Variants in TMEM117 observed in about 807,000 individuals in gnomAD.
The protein encoded by TMEM117 is transmembrane protein 117.
TMEM117 carries 27 observed loss-of-function variants against 52.4 expected under a neutral mutation model. That is an observed-to-expected ratio of 0.51 (90% CI 0.38 to 0.71). The LOEUF (loss-of-function observed/expected upper bound fraction) is 0.71. TMEM117 is among the 30% of genes least tolerant of loss of function. The pLI is 0.00. For missense variants in TMEM117, 556 were observed against 630.5 expected, an observed-to-expected ratio of 0.88 and a Z score of 1.26; for synonymous variants, 215 against 206.3, an observed-to-expected ratio of 1.04 and a Z score of -0.36.
chr12:44,153,391 CAT>C (rs1948782904), intron 4 of TMEM117, among the ~76,000 whole-genome samples: 1 of 151,926 alleles, frequency 6.6e-6, no homozygotes, highest in African/African-American at 2.4e-5. Context: ...GGCATATAGA[CAT>C]AGATTTTGGT....
intron 3 of TMEM117, among the ~76,000 whole-genome samples, chr12:43,990,572 T>C (rs761457772): frequency 3.9e-5 from 6 of 152,188 alleles, no homozygotes; most frequent in Non-Finnish European, 5.9e-5. Context: ...AATATATACA[T>C]TTAATAGGAT....
At position 44,323,017 on chromosome 12, in the gene TMEM117, G is replaced by A. The variant is rs147469220; in HGVS notation, c.768+23278G>A. ...CAGGAGTCTTTAAAAGAGGAAGAGG[G>A]AAGCAGAAGACAACCAGAGAGATAG... On this transcript the variant is annotated intron_variant, in intron 6 of 7. Transcript: ENST00000266534. Among the ~76,000 whole-genome samples, 281 of 152,276 alleles carry A rather than the reference G, an allele frequency of 1.8e-3. 4 individuals carry two copies. The highest frequency in any genetic ancestry group is 6.6e-3 in the African/African-American group (274 of 41,556).
chr12:43,814,463 C>T, the TMEM117 span, among the ~76,000 whole-genome samples: 6 of 152,260 alleles, frequency 3.9e-5, no homozygotes, highest in South Asian at 8.3e-4. Context: ...TAACCCTGCT[C>T]GTCCTGGCCC....
At chr12:43,984,480 G>A (rs1945813882) in intron 3 of TMEM117, among the ~76,000 whole-genome samples, 1 of 152,146 alleles carries the variant, frequency 6.6e-6, no homozygotes, top group South Asian at 2.1e-4. Flanking sequence ...TTGAGATAGT[G>A]TTTTCATCAG....
At chr12:43,893,338 A>C (rs1232879857) in intron 2 of TMEM117, among the ~76,000 whole-genome samples, 1 of 152,244 alleles carries the variant, frequency 6.6e-6, no homozygotes, top group Non-Finnish European at 1.5e-5. Context: ...GGCTTGGACT[A>C]GGGTGAGAGC....
chr12:44,210,293 CT>C (rs1228238824), intron 4 of TMEM117, among the ~76,000 whole-genome samples: 3 of 151,988 alleles, frequency 2.0e-5, no homozygotes, highest in Non-Finnish European at 4.4e-5. Context: ...TTATGTAACA[CT>C]TTTTTAAAGG....
chr12:43,860,014 T>C (rs1565722388), intron 2 of TMEM117, among the ~76,000 whole-genome samples: 2 of 152,194 alleles, frequency 1.3e-5, no homozygotes, highest in Admixed American at 6.5e-5. Flanking sequence ...GGTGTTAATG[T>C]CATTGAGTTT....
intron 3 of TMEM117, among the ~76,000 whole-genome samples, chr12:44,066,642 C>G (rs949688480): frequency 2.0e-5 from 3 of 152,116 alleles, no homozygotes; most frequent in African/African-American, 4.8e-5. Flanking sequence ...AGGATTATGT[C>G]TAAAAGATGT....
Position 44,047,852 on chromosome 12 carries a change from A to G in TMEM117, c.411-95673A>G, listed in dbSNP as rs565467058. Among the ~76,000 whole-genome samples, 16 of 152,270 alleles carry G rather than the reference A, an allele frequency of 1.1e-4. No individual in the cohort carries two copies. The East Asian group carries it at 2.7e-3, about 26-fold the overall frequency. ...GAGTTGAAATTTTCCTTTTGCACCA[A>G]TTTATTGTTAGAATGTAATACCAAG... On this transcript the variant is annotated intron_variant, in intron 3 of 7. Coordinates refer to ENST00000266534, the MANE Select transcript of TMEM117 (RefSeq NM_032256.3).
chr12:44,303,363 T>A (rs1950866009), intron 6 of TMEM117, among the ~76,000 whole-genome samples: 1 of 152,198 alleles, frequency 6.6e-6, no homozygotes, highest in South Asian at 2.1e-4. Context: ...TTGTAATTTT[T>A]TTTTAAAAGA....
intron 6 of TMEM117, among the ~76,000 whole-genome samples, chr12:44,375,768 A>G (rs1368301380): frequency 1.3e-5 from 2 of 152,200 alleles, no homozygotes; most frequent in African/African-American, 2.4e-5. Flanking sequence ...ACTAATGTCT[A>G]TGGATCTATC....
intron 3 of TMEM117, among the ~76,000 whole-genome samples, chr12:43,999,906 A>G (rs1946089957): frequency 6.6e-6 from 1 of 152,206 alleles, no homozygotes; most frequent in Non-Finnish European, 1.5e-5. Flanking sequence ...CAGAGATGGT[A>G]TGTTAATGGG....
chr12:43,912,467 T>G (rs1444180273), intron 2 of TMEM117, among the ~76,000 whole-genome samples: 2 of 148,002 alleles, frequency 1.4e-5, no homozygotes, highest in East Asian at 3.9e-4. Flanking sequence ...CTGCGCGTTG[T>G]GCACATGTAC....
chr12:43,986,061 C>T lies in TMEM117; in HGVS notation c.410+41719C>T, dbSNP rs1417930412. ...AAAGTCTGAATGAATGATATTTATTCTAGTGGGCTCTGAGATGTAATACAC... is the reference window on the plus strand; with the variant it reads ...AAAGTCTGAATGAATGATATTTATTTTAGTGGGCTCTGAGATGTAATACAC... On this transcript the variant is annotated intron_variant, in intron 3 of 7. Transcript: ENST00000266534. Among the ~76,000 whole-genome samples the T allele has an allele frequency of 1.4e-4, 21 of 152,048 alleles. 1 individual carries two copies. Among genetic ancestry groups the T allele is most frequent in the Admixed American group, 1.4e-3 (21 of 15,258 alleles).
At chr12:44,252,305 G>C (rs181628353) in intron 5 of TMEM117, among the ~76,000 whole-genome samples, 11 of 152,084 alleles carry the variant, frequency 7.2e-5, no homozygotes, top group Admixed American at 7.2e-4. Context: ...CAGAGTTCGA[G>C]ACCATCCTGG....
intron 6 of TMEM117, among the ~76,000 whole-genome samples, chr12:44,312,804 C>G (rs1388536638): frequency 2.6e-5 from 4 of 152,148 alleles, no homozygotes; most frequent in African/African-American, 9.7e-5. Context: ...GCCATTCTGA[C>G]AGATGTGAGA....
intron 6 of TMEM117, among the ~76,000 whole-genome samples, chr12:44,353,777 T>C (rs537655374): frequency 3.3e-4 from 51 of 152,244 alleles, no homozygotes; most frequent in African/African-American, 9.4e-4. Flanking sequence ...CTTGGCGATG[T>C]GGGCTCTTTT....
intron 3 of TMEM117, among the ~76,000 whole-genome samples, chr12:44,128,837 T>A (rs1948368750): frequency 6.6e-6 from 1 of 152,202 alleles, no homozygotes; most frequent in Non-Finnish European, 1.5e-5. Context: ...GGCTGATATA[T>A]TTTAACCTTT....
chr12:44,231,012 C>A (rs1307835900), intron 5 of TMEM117, among the ~76,000 whole-genome samples: 3 of 151,894 alleles, frequency 2.0e-5, no homozygotes, highest in Non-Finnish European at 4.4e-5. Context: ...TGAGTAATTA[C>A]AAAGTGAACC....
Sources: gnomAD v4.1 joint callset for allele counts (sites outside exome capture counted in the v4.1 genomes callset) on GRCh38, gnomAD v4.1.1 for gene constraint, MANE v1.5 for transcripts, NCBI Gene and HGNC (gene_info 2026-07-23, HGNC 2026-07-21) for gene names.